Variants in CEP72 observed in about 807,000 individuals in gnomAD.
The protein encoded by CEP72 is centrosomal protein 72, also known as centrosomal protein of 72 kDa.
Under a neutral mutation model 65.7 loss-of-function variants are expected in CEP72, and 78 were observed. The observed-to-expected ratio is 1.19, with a 90% CI of 0.99 to 1.43. The LOEUF (loss-of-function observed/expected upper bound fraction) is 1.43. CEP72 is among the 40% of genes most tolerant of loss of function. The pLI, the probability that CEP72 is intolerant of heterozygous loss-of-function variation, is 0.00. For synonymous variants in CEP72, 358 were observed against 351.7 expected (o/e 1.02, Z -0.20); for missense variants, 914 against 832.9 (o/e 1.10, Z -1.20).
the CEP72 span, among the ~76,000 whole-genome samples, chr5:673,229 C>T: frequency 6.6e-6 from 1 of 152,214 alleles, no homozygotes; most frequent in Admixed American, 6.5e-5. Context: ...CTAGTGTCCC[C>T]AACGCCTCGT....
intron 6 of CEP72, among the ~76,000 whole-genome samples, chr5:637,127 A>C (rs1737660200): frequency 6.6e-6 from 1 of 152,170 alleles, no homozygotes; most frequent in South Asian, 2.1e-4. Flanking sequence ...AGAGTCTGTC[A>C]CTTCACCTGT....
chr5:637,950 C>G (rs552714473), intron 7 of CEP72, 132 bp downstream of exon 7: 3 of 901,298 alleles, frequency 3.3e-6, no homozygotes, highest in East Asian at 2.7e-5. Context: ...GCTGTTACGG[C>G]GGTGCCGTGA....
At chr5:665,959 GC>G (rs775608494) in exon 4 of CEP72, 4 of 403,630 alleles carry the variant, frequency 9.9e-6, no homozygotes, top group Admixed American at 8.5e-5. Context: ...TTCCATCCCC[GC>G]CCTGCTCACC....
intron 7 of CEP72, 47 bp downstream of exon 7, chr5:637,865 A>G (rs749785574): frequency 2.7e-6 from 4 of 1,455,550 alleles, no homozygotes; most frequent in East Asian, 5.0e-5. Flanking sequence ...CTGCCTCCCT[A>G]ATGTGGGGCT....
At chr5:660,628 G>C (rs1335722692), downstream of CEP72, 1 of 152,370 alleles carries the variant, frequency 6.6e-6, no homozygotes. Context: ...AGCTGGGCCA[G>C]TAGAGGGACA....
At chr5:665,849 C>T (rs2126865853) in intron 3 of CEP72, 2 of 643,794 alleles carry the variant, frequency 3.1e-6, no homozygotes, top group South Asian at 5.6e-5. Flanking sequence ...TCCCAGGACC[C>T]CCCCCAGGTC....
chr5:631,795 A>G (rs1312488199), intron 4 of CEP72, among the ~76,000 whole-genome samples: 4 of 47,696 alleles, frequency 8.4e-5, no homozygotes, highest in Admixed American at 2.2e-4. Context: ...CAGTGCCGGG[A>G]TTTGGCCCAG....
intron 4 of CEP72, among the ~76,000 whole-genome samples, chr5:666,662 C>T (rs964128644): frequency 1.3e-5 from 2 of 151,560 alleles, no homozygotes; most frequent in Non-Finnish European, 2.9e-5. Flanking sequence ...TTGCACTGCT[C>T]TGGCCTCAGA....
chr5:618,728 C>A (rs1736156839), intron 1 of CEP72, among the ~76,000 whole-genome samples: 1 of 152,088 alleles, frequency 6.6e-6, no homozygotes, highest in African/African-American at 2.4e-5. Context: ...AAAGAGAGGC[C>A]AGGGTGAGCA....
chr5:665,170 C>T lies in CEP72; in HGVS notation n.288-10C>T, dbSNP rs748630491. The T allele has an allele frequency of 5.0e-6, 8 of 1,613,552 alleles. No individual in the cohort carries two copies. The highest frequency in any genetic ancestry group is 2.2e-5 in the East Asian group (1 of 44,888). Reference sequence around the variant, plus strand: ...TTGTAGCCGGACACATAGCCTGACTCGTCCACCAGATCCACGCGGCCAGCC... The same window carrying T: ...TTGTAGCCGGACACATAGCCTGACTTGTCCACCAGATCCACGCGGCCAGCC... On this transcript the variant is annotated splice_polypyrimidine_tract_variant and intron_variant and non_coding_transcript_variant, in intron 2 of 4. Coordinates refer to the CEP72 transcript ENST00000514507.
intron 11 of CEP72, among the ~76,000 whole-genome samples, chr5:651,285 T>TG (rs1170610233): frequency 1.0e-5 from 1 of 96,314 alleles, no homozygotes; most frequent in Non-Finnish European, 2.1e-5. Flanking sequence ...CTGTGAGGTG[T>TG]GACTGTGAGG....
chr5:620,121 T>C lies in CEP72; in HGVS notation c.263T>C (p.Ile88Thr). 5 of 1,614,176 alleles carry C rather than the reference T, an allele frequency of 3.1e-6. No individual in the cohort carries two copies. The highest frequency in any genetic ancestry group is 4.2e-6 in the Non-Finnish European group (5 of 1,180,000). Residue 88 changes from isoleucine to threonine, a missense_variant, in exon 3 of 12, where the codon ATC (isoleucine) becomes ACC (threonine). Transcript: ENST00000264935. Reference sequence around the variant, plus strand: ...AGTCTCAATCTCTACTACAACTGCATCTCCTCGTTGGCAGAAGTGTTTCGG... The same window carrying C: ...AGTCTCAATCTCTACTACAACTGCACCTCCTCGTTGGCAGAAGTGTTTCGG... ...LESLNLYYNC[I>T]SSLAEVFRLH...
chr5:654,332 G>T (rs551932870), downstream of CEP72, among the ~76,000 whole-genome samples: 1 of 137,506 alleles, frequency 7.3e-6, no homozygotes, highest in African/African-American at 2.6e-5. Context: ...TTGTGTGTGC[G>T]CTGTGTGTGC....
rs1736307150 is a variant in CEP72 at position 620,334 on chromosome 5, G to A, written c.403+73G>A. 3 of 1,304,240 alleles carry A rather than the reference G, an allele frequency of 2.3e-6. No homozygotes were observed. The East Asian group carries it at 7.0e-5, about 30-fold the overall frequency. 80.8% of individuals were successfully genotyped at this position (1,304,240 alleles called of 1,614,324 possible). On this transcript the variant is annotated intron_variant, in intron 3 of 11. Transcript: ENST00000264935. The stretch of plus-strand genomic sequence containing the variant: ...TGGGAGTCGGGGAGTCGTAGTGGGT[G>A]TCTGTGTGCTCAACGTCACATGCTT...
chr5:633,503 C>CCGGGATT (rs1196604042), intron 4 of CEP72, among the ~76,000 whole-genome samples: 40 of 151,874 alleles, frequency 2.6e-4, no homozygotes, highest in Admixed American at 2.2e-3. Flanking sequence ...CTGTCCAGTG[C>CCGGGATT]TGGGATTTGG....
intron 10 of CEP72, 151 bp downstream of exon 10, chr5:644,576 G>A: frequency 1.1e-6 from 1 of 920,168 alleles, no homozygotes; most frequent in Non-Finnish European, 1.7e-6. Context: ...ACTGGCTGGG[G>A]TGGAGGCTGC....
At chr5:638,149 C>G (rs1408392129) in intron 7 of CEP72, among the ~76,000 whole-genome samples, 3 of 152,218 alleles carry the variant, frequency 2.0e-5, no homozygotes, top group Non-Finnish European at 4.4e-5. Flanking sequence ...TCCTGCGCTG[C>G]TGTTCTGAGT....
rs150115751 is a variant in CEP72, at chr5:620,722, G to T, written c.403+461G>T. ...CCCCCACACCCCACCACTGGGACAG[G>T]GTTGGGAGGGGATGTGCAGTGACCT... On this transcript the variant is annotated intron_variant, in intron 3 of 11. Transcript: ENST00000264935. 2.9e-4 allele frequency among the ~76,000 whole-genome samples: 44 copies of T among 152,354 alleles called. No homozygotes were observed. The East Asian group carries it at 6.0e-3, about 21-fold the overall frequency.
intron 8 of CEP72, 110 bp downstream of exon 8, chr5:639,334 C>G: frequency 7.7e-7 from 1 of 1,296,206 alleles, no homozygotes; most frequent in Admixed American, 2.4e-5. Flanking sequence ...TCTCCTATGT[C>G]CCCTCCCACG....
Sources: gnomAD v4.1 joint callset for allele counts (sites outside exome capture counted in the v4.1 genomes callset) on GRCh38, gnomAD v4.1.1 for gene constraint, MANE v1.5 for transcripts, NCBI Gene and HGNC (gene_info 2026-07-23, HGNC 2026-07-21) for gene names.